LRRC4C: variants seen among roughly 807,000 people sequenced by gnomAD.
LRRC4C encodes the protein leucine rich repeat containing 4C.
A neutral mutation model predicts 33.6 loss-of-function variants in LRRC4C; 5 were observed. That is an observed-to-expected ratio of 0.15 (90% CI 0.08 to 0.31). The LOEUF (loss-of-function observed/expected upper bound fraction) is 0.31, where lower values mean the gene tolerates loss of function less well. Among genes scored for constraint, LRRC4C ranks in the 10% least tolerant of loss-of-function variants. The probability of loss-of-function intolerance (pLI) is 1.00; values close to 1 mark genes in which losing one functional copy is unlikely to be tolerated. For synonymous variants in LRRC4C, 329 were observed against 302.0 expected (o/e 1.09, Z -0.93); for missense variants, 560 against 796.7 (o/e 0.70, Z 3.58).
chr11:40,420,303 GCAGGCCTGCC>G (rs1950476890), intron 3 of LRRC4C, among the ~76,000 whole-genome samples: 1 of 152,128 alleles, frequency 6.6e-6, no homozygotes, highest in Non-Finnish European at 1.5e-5. Flanking sequence ...TTTGAGCATA[GCAGGCCTGCC>G]TCTGGAAGAC....
At chr11:40,202,597 G>T (rs779016586) in intron 5 of LRRC4C, among the ~76,000 whole-genome samples, 1 of 152,130 alleles carries the variant, frequency 6.6e-6, no homozygotes, top group Non-Finnish European at 1.5e-5. Flanking sequence ...TTAATTTCCC[G>T]AATAGGGGAA....
Position 40,789,959 on chromosome 11 carries a change from A to C in LRRC4C, c.-406-141681T>G, listed in dbSNP as rs1442532477. The stretch of plus-strand genomic sequence containing the variant: ...TCAAATAAGAGATACATGTGTCTAA[A>C]ATTTTAAAGGCCTTAAAGGTTGAAC... On this transcript the variant is annotated intron_variant, in intron 2 of 6. Coordinates refer to ENST00000528697, the MANE Select transcript of LRRC4C (RefSeq NM_001258419.2). 2.6e-5 allele frequency among the ~76,000 whole-genome samples: 4 copies of C among 152,208 alleles called. No individual in the cohort carries two copies. The East Asian group carries it at 7.7e-4, about 29-fold the overall frequency.
intron 1 of LRRC4C, among the ~76,000 whole-genome samples, chr11:41,292,660 T>C (rs1011543366): frequency 1.3e-5 from 2 of 152,180 alleles, no homozygotes; most frequent in African/African-American, 4.8e-5. Flanking sequence ...GTTATGCCAG[T>C]CAATTATTTG....
chr11:40,194,141 A>G (rs1034154488), intron 5 of LRRC4C, among the ~76,000 whole-genome samples: 3 of 152,180 alleles, frequency 2.0e-5, no homozygotes, highest in African/African-American at 7.2e-5. Context: ...TGGCAACCCC[A>G]AGGCACATAA....
At position 40,500,663 on chromosome 11, in the gene LRRC4C, C is replaced by T. The variant is rs565055040; in HGVS notation, c.-270+147479G>A. Among the ~76,000 whole-genome samples, 18 of 152,046 alleles carry T rather than the reference C, an allele frequency of 1.2e-4. No homozygotes were observed. The East Asian group carries it at 2.1e-3, about 18-fold the overall frequency. ...AGGTACAGTACGGGAGAAACTGCCCCGATAGTTCAATTATCTCCCACCAGG... is the reference window on the plus strand; with the variant it reads ...AGGTACAGTACGGGAGAAACTGCCCTGATAGTTCAATTATCTCCCACCAGG... On this transcript the variant is annotated intron_variant, in intron 3 of 6. Transcript: ENST00000528697.
chr11:40,187,866 T>C (rs947315837), intron 5 of LRRC4C, among the ~76,000 whole-genome samples: 3 of 151,438 alleles, frequency 2.0e-5, no homozygotes, highest in African/African-American at 4.9e-5. Context: ...AGGAGAAAAA[T>C]GCATGGAAGG....
At position 41,156,765 on chromosome 11, in the gene LRRC4C, C is replaced by A. The variant is rs142392175; in HGVS notation, c.-495-223042G>T. On this transcript the variant is annotated intron_variant, in intron 1 of 6. Coordinates refer to ENST00000528697, the MANE Select transcript of LRRC4C (RefSeq NM_001258419.2). ...AATATGATAACTGAGGTGAGCCTTA[C>A]TGGGGAGGTGAGATTTGAGTGAAGG... 6.2e-3 allele frequency among the ~76,000 whole-genome samples: 939 copies of A among 152,034 alleles called. 15 individuals carry two copies. Among genetic ancestry groups the A allele is most frequent in the African/African-American group, 0.021 (891 of 41,460 alleles).
chr11:40,763,917 TC>T (rs1278558122), intron 2 of LRRC4C, among the ~76,000 whole-genome samples: 2 of 152,106 alleles, frequency 1.3e-5, no homozygotes, highest in Non-Finnish European at 2.9e-5. Context: ...AAGTCTTGGC[TC>T]TGTACTGGGC....
At chr11:41,297,695 T>C (rs1269138489) in intron 1 of LRRC4C, among the ~76,000 whole-genome samples, 2 of 152,172 alleles carry the variant, frequency 1.3e-5, no homozygotes, top group Non-Finnish European at 2.9e-5. Flanking sequence ...AATACACTAA[T>C]AGAAGTAAAA....
chr11:41,263,136 A>G (rs1949038356), intron 1 of LRRC4C, among the ~76,000 whole-genome samples: 1 of 152,152 alleles, frequency 6.6e-6, no homozygotes, highest in Non-Finnish European at 1.5e-5. Context: ...TCGTGTTAGA[A>G]ATGAAATTTA....
At chr11:40,488,400 G>A (rs960340329) in intron 3 of LRRC4C, among the ~76,000 whole-genome samples, 3 of 151,922 alleles carry the variant, frequency 2.0e-5, no homozygotes, top group African/African-American at 7.3e-5. Context: ...CCTTACTCAG[G>A]TCACGAGACA....
chr11:40,590,843 C>T (rs1189931342), intron 3 of LRRC4C, among the ~76,000 whole-genome samples: 1 of 152,278 alleles, frequency 6.6e-6, no homozygotes, highest in Non-Finnish European at 1.5e-5. Flanking sequence ...ATTCTCAGAT[C>T]TCCAGCTGTG....
At chr11:40,982,709 G>C (rs957197731) in intron 1 of LRRC4C, among the ~76,000 whole-genome samples, 1 of 151,964 alleles carries the variant, frequency 6.6e-6, no homozygotes, top group South Asian at 2.1e-4. Flanking sequence ...AAGATGTGCA[G>C]GTTTATTCCA....
intron 3 of LRRC4C, among the ~76,000 whole-genome samples, chr11:40,457,578 C>T (rs1318169117): frequency 6.6e-6 from 1 of 152,092 alleles, no homozygotes; most frequent in East Asian, 1.9e-4. Flanking sequence ...CTCCTAGGTG[C>T]ACCATCACCT....
chr11:40,255,519 T>A (rs1378339519), intron 4 of LRRC4C, among the ~76,000 whole-genome samples: 1 of 152,212 alleles, frequency 6.6e-6, no homozygotes, highest in African/African-American at 2.4e-5. Context: ...GAGAGAGCTA[T>A]TTTTAGAAAA....
chr11:40,288,230 C>T (rs567700925), intron 4 of LRRC4C, among the ~76,000 whole-genome samples: 85 of 152,222 alleles, frequency 5.6e-4, no homozygotes, highest in Non-Finnish European at 1.1e-3. Flanking sequence ...CCAAGTTTCA[C>T]CTAATTTCTT....
At chr11:41,075,014 CT>C (rs869112602) in intron 1 of LRRC4C, among the ~76,000 whole-genome samples, 231 of 100,982 alleles carry the variant, frequency 2.3e-3, no homozygotes, top group African/African-American at 6.8e-3. Context: ...CTTCAATTTT[CT>C]TTTTTTTTTT....
intron 3 of LRRC4C, among the ~76,000 whole-genome samples, chr11:40,630,955 G>A (rs1360235645): frequency 2.6e-5 from 4 of 152,164 alleles, no homozygotes; most frequent in Non-Finnish European, 5.9e-5. Context: ...ACAGAGAAAT[G>A]TAAAAGAAAT....
chr11:40,704,249 A>C (rs1367244855), intron 2 of LRRC4C, among the ~76,000 whole-genome samples: 1 of 152,092 alleles, frequency 6.6e-6, no homozygotes, highest in African/African-American at 2.4e-5. Context: ...GCATCCCTTC[A>C]TTTTCATATC....
Sources: allele counts gnomAD v4.1 joint callset (sites outside exome capture counted in the v4.1 genomes callset), GRCh38; gene constraint gnomAD v4.1.1; transcripts MANE v1.5; gene names NCBI Gene and HGNC (gene_info 2026-07-23, HGNC 2026-07-21).